ACSBG2: variants seen among roughly 807,000 people sequenced by gnomAD.
ACSBG2 encodes the protein acyl-CoA synthetase bubblegum family member 2, also known as long-chain-fatty-acid--CoA ligase ACSBG2.
Under a neutral mutation model 74.7 loss-of-function variants are expected in ACSBG2, and 62 were observed. The observed-to-expected ratio is 0.83, with a 90% confidence interval of 0.68 to 1.03. The LOEUF (loss-of-function observed/expected upper bound fraction) is 1.03. Among genes scored for constraint, ACSBG2 ranks in the 50% least tolerant of loss-of-function variants. The probability of loss-of-function intolerance (pLI) is 0.00; values close to 1 mark genes in which losing one functional copy is unlikely to be tolerated. For missense variants in ACSBG2, 730 were observed against 817.6 expected, an observed-to-expected ratio of 0.89 and a Z score of 1.31; for synonymous variants, 309 against 294.1, an observed-to-expected ratio of 1.05 and a Z score of -0.52.
chr19:6,144,420 G>A (rs1322025105), intron 2 of ACSBG2, among the ~76,000 whole-genome samples: 3 of 152,148 alleles, frequency 2.0e-5, no homozygotes, highest in East Asian at 3.9e-4. Context: ...TGTGAGGATC[G>A]AAGCAGAGTT....
chr19:6,145,874 G>A (rs1435459090), intron 2 of ACSBG2, among the ~76,000 whole-genome samples: 1 of 152,070 alleles, frequency 6.6e-6, no homozygotes, highest in African/African-American at 2.4e-5. Flanking sequence ...TACTCATGTT[G>A]TGTGTCTGGC....
In ACSBG2 at chr19:6,187,630, T is replaced by TG; in HGVS notation, c.1714dup (p.Asp572GlyfsTer23). ...ATGAATCAGATGAGCGGAGAACCTCTGGACAAGCTGAACTTCGAGGCCATC... is the reference window on the plus strand; with the variant it reads ...ATGAATCAGATGAGCGGAGAACCTCTGGGACAAGCTGAACTTCGAGGCCATC... On this transcript the variant is annotated frameshift_variant, in exon 13 of 15. Coordinates refer to ENST00000588485, the MANE Select transcript of ACSBG2 (RefSeq NM_030924.5). LOFTEE classifies it high-confidence loss of function. 6.2e-7 allele frequency: 1 copy of TG among 1,614,070 alleles called. No individual in the cohort carries two copies. The highest frequency in any genetic ancestry group is 8.5e-7 in the Non-Finnish European group (1 of 1,180,002).
At chr19:6,145,892 G>A (rs1369009441) in intron 2 of ACSBG2, among the ~76,000 whole-genome samples, 1 of 152,060 alleles carries the variant, frequency 6.6e-6, no homozygotes, top group Non-Finnish European at 1.5e-5. Flanking sequence ...GGCATTGGGG[G>A]AGAGGGGCTA....
chr19:6,151,113 C>CAAAAAAA (rs1332726831), intron 3 of ACSBG2, among the ~76,000 whole-genome samples: 1 of 58,998 alleles, frequency 1.7e-5, no homozygotes, highest in African/African-American at 5.6e-5. Flanking sequence ...GACTCTGTCT[C>CAAAAAAA]AAAAAAAAAA....
rs1252973749 is a variant in ACSBG2, at chr19:6,156,564, C to A, written c.507+13C>A. The A allele has an allele frequency of 2.0e-6, 3 of 1,534,212 alleles. No individual in the cohort carries two copies. The highest frequency in any genetic ancestry group is 2.6e-6 in the Non-Finnish European group (3 of 1,139,880). ...GAAAATCCTTTCGGTAAACCCCTAC[C>A]CAGCACTGCCTGCCAAAGTCACCCA... On this transcript the variant is annotated intron_variant, in intron 5 of 14. Transcript: ENST00000588485.
chr19:6,156,283 ATTG>A (rs1233855990), intron 4 of ACSBG2, 145 bp from the exon 5 acceptor site: 34 of 755,156 alleles, frequency 4.5e-5, no homozygotes, highest in Non-Finnish European at 6.3e-5. Flanking sequence ...TGTCTTCATC[ATTG>A]TTAAGTTGGG....
At chr19:6,188,624 T>A (rs1244333614) in intron 13 of ACSBG2, among the ~76,000 whole-genome samples, 3 of 152,068 alleles carry the variant, frequency 2.0e-5, no homozygotes, top group Non-Finnish European at 4.4e-5. Flanking sequence ...TGAGACCCTG[T>A]CTCAAAAACA....
Position 6,180,059 on chromosome 19 carries a change from G to A in ACSBG2, c.906+2663G>A, listed in dbSNP as rs79880787. Reference sequence around the variant, plus strand: ...GAGGCCACCTATGTTCCTTATCTCAGGGCCCCTTCCTCCATCTTCACAGCC... The same window carrying A: ...GAGGCCACCTATGTTCCTTATCTCAAGGCCCCTTCCTCCATCTTCACAGCC... On this transcript the variant is annotated intron_variant, in intron 8 of 14. Coordinates refer to ENST00000588485, the MANE Select transcript of ACSBG2 (RefSeq NM_030924.5). The surrounding 1 kb of genome is among the most constrained non-coding windows in gnomAD (Gnocchi z 4.3). 0.013 allele frequency among the ~76,000 whole-genome samples: 1,977 copies of A among 151,852 alleles called. 44 individuals carry two copies. The highest frequency in any genetic ancestry group is 0.046 in the African/African-American group (1,887 of 41,346).
chr19:6,188,582 C>A (rs972962148), intron 13 of ACSBG2, among the ~76,000 whole-genome samples: 7 of 152,146 alleles, frequency 4.6e-5, no homozygotes, highest in African/African-American at 1.4e-4. Flanking sequence ...GAGCCACAAT[C>A]ATGCCAGTGC....
intron 7 of ACSBG2, among the ~76,000 whole-genome samples, chr19:6,176,629 G>A (rs1184823799): frequency 2.0e-5 from 3 of 151,620 alleles, no homozygotes; most frequent in African/African-American, 7.3e-5. Context: ...AAGGACCTAG[G>A]GCCCCCACTT....
rs1249681276 is a variant in ACSBG2, at chr19:6,147,505, C to A, written c.127C>A (p.His43Asn). 1 of 1,614,210 alleles carries A rather than the reference C, an allele frequency of 6.2e-7. No homozygotes were observed. Among genetic ancestry groups the A allele is most frequent in the Admixed American group, 1.7e-5 (1 of 60,020 alleles). The change falls in exon 3 of 15, where the codon CAC becomes AAC. Residue 43 changes from histidine (H) to asparagine (N), a missense_variant. Transcript: ENST00000588485. ...AGAAGTCCTTCTGAGGCTATCCAAA[C>A]ACGGACCAGGCCATGAGACCCCGAT... ...DGEVLLRLSK[H>N]GPGHETPMTI...
Position 6,177,241 on chromosome 19 carries a change from G to A in ACSBG2, c.751G>A (p.Ala251Thr). 2 of 1,614,102 alleles carry A rather than the reference G, an allele frequency of 1.2e-6. No homozygotes were observed. Among genetic ancestry groups the A allele is most frequent in the South Asian group, 1.1e-5 (1 of 91,086 alleles). Residue 251 changes from alanine to threonine, a missense_variant, in exon 8 of 15, where the codon GCA becomes ACA. Physicochemically the swap from Ala to Thr is moderately conservative, Grantham distance 58. Coordinates refer to ENST00000588485, the MANE Select transcript of ACSBG2 (RefSeq NM_030924.5). The stretch of plus-strand genomic sequence containing the variant: ...CCTTATGTTACAGATCACGTGGATT[G>A]CAGGAGCAGTGACAAAGGACTTTAA... Reference protein sequence around the residue: ...MLSHDNITWIAGAVTKDFKLT... With the variant: ...MLSHDNITWITGAVTKDFKLT...
chr19:6,151,820 G>A, intron 4 of ACSBG2, 25 bp downstream of exon 4: 2 of 1,571,070 alleles, frequency 1.3e-6, no homozygotes, highest in Non-Finnish European at 1.7e-6. Flanking sequence ...TTGGTTCATG[G>A]TGAGGGTTAA....
chr19:6,153,466 G>A (rs2089303809), intron 4 of ACSBG2, among the ~76,000 whole-genome samples: 1 of 152,010 alleles, frequency 6.6e-6, no homozygotes, highest in Non-Finnish European at 1.5e-5. Context: ...AAGACCCTGA[G>A]ATCTGAACTC....
At chr19:6,139,616 C>T (rs1292301082) in intron 1 of ACSBG2, among the ~76,000 whole-genome samples, 1 of 152,180 alleles carries the variant, frequency 6.6e-6, no homozygotes, top group Non-Finnish European at 1.5e-5. Context: ...ATTCTTGTGT[C>T]AAGCACGCTC....
At chr19:6,157,827 C>G (rs1450291062) in intron 5 of ACSBG2, among the ~76,000 whole-genome samples, 1 of 152,038 alleles carries the variant, frequency 6.6e-6, no homozygotes, top group Non-Finnish European at 1.5e-5. Context: ...GCCCATGCTA[C>G]TATATAATTT....
At chr19:6,182,955 T>G in intron 9 of ACSBG2, 23 bp downstream of exon 9, 3 of 1,613,234 alleles carry the variant, frequency 1.9e-6, no homozygotes, top group Non-Finnish European at 2.5e-6. Context: ...TCCAGAGGGC[T>G]GGGAGGGTAG....
intron 1 of ACSBG2, among the ~76,000 whole-genome samples, chr19:6,139,814 C>G (rs1490350532): frequency 1.3e-5 from 2 of 152,146 alleles, no homozygotes; most frequent in Non-Finnish European, 1.5e-5. Flanking sequence ...TGTGGTGGCT[C>G]ACACCTGTAA....
At chr19:6,167,544 T>G (rs1406105442) in intron 7 of ACSBG2, among the ~76,000 whole-genome samples, 1 of 152,212 alleles carries the variant, frequency 6.6e-6, no homozygotes, top group East Asian at 1.9e-4. Flanking sequence ...CATTTTAACA[T>G]GAATCCAAAT....
Sources: allele counts gnomAD v4.1 joint callset (sites outside exome capture counted in the v4.1 genomes callset), GRCh38; gene constraint gnomAD v4.1.1; non-coding constraint Gnocchi (gnomAD v3.1); transcripts MANE v1.5; gene names NCBI Gene and HGNC (gene_info 2026-07-23, HGNC 2026-07-21).